SPSB1: variants seen among roughly 807,000 people sequenced by gnomAD.
The protein encoded by SPSB1 is splA/ryanodine receptor domain and SOCS box containing 1.
In SPSB1, 8 loss-of-function variants were observed where a neutral mutation model predicts 21.2. The observed-to-expected ratio is 0.38, with a 90% CI of 0.22 to 0.68. The LOEUF is 0.68. Ranked by LOEUF, SPSB1 falls within the 30% of genes least tolerant of loss-of-function variation. The probability of loss-of-function intolerance (pLI) is 0.53; values close to 1 mark genes in which losing one functional copy is unlikely to be tolerated. For missense variants in SPSB1, 242 were observed against 377.8 expected (o/e 0.64, Z 2.98); for synonymous variants, 169 against 161.7 (o/e 1.05, Z -0.34).
chr1:9,357,770 G>T (rs140564804), intron 2 of SPSB1, among the ~76,000 whole-genome samples: 3 of 152,304 alleles, frequency 2.0e-5, no homozygotes, highest in East Asian at 1.9e-4. Context: ...GGAGGTGAAG[G>T]CTCCATGGCT....
intron 1 of SPSB1, among the ~76,000 whole-genome samples, chr1:9,300,655 T>G (rs1333388552): frequency 6.6e-6 from 1 of 152,072 alleles, no homozygotes; most frequent in Non-Finnish European, 1.5e-5. Context: ...CATCATGAAG[T>G]GGGTGTTATC....
intron 2 of SPSB1, among the ~76,000 whole-genome samples, chr1:9,362,068 T>C (rs1242449736): frequency 6.6e-6 from 1 of 152,228 alleles, no homozygotes; most frequent in Non-Finnish European, 1.5e-5. Flanking sequence ...TCAGCTCGTC[T>C]CCTCAAGATC....
chr1:9,338,318 C>T (rs962267206), intron 1 of SPSB1, among the ~76,000 whole-genome samples: 1 of 152,166 alleles, frequency 6.6e-6, no homozygotes, highest in African/African-American at 2.4e-5. Context: ...AGACCCTGTC[C>T]CCAGGGAGGA....
chr1:9,329,524 C>T (rs868041827), intron 1 of SPSB1, among the ~76,000 whole-genome samples: 1 of 151,724 alleles, frequency 6.6e-6, no homozygotes, highest in African/African-American at 2.4e-5. Flanking sequence ...ACAATGAAAC[C>T]CCGTCTCTAC....
chr1:9,292,912 G>A lies in SPSB1; in HGVS notation c.-309G>A. On this transcript the variant is annotated 5_prime_UTR_variant, in exon 1 of 3. Coordinates refer to ENST00000328089, the MANE Select transcript of SPSB1 (RefSeq NM_025106.4). Reference sequence around the variant, plus strand: ...CTCCTCCGCACAGAAGTCGCGCTCGGGCAGCCTGCGCGCTCGCAGCAGGAA... The same window carrying A: ...CTCCTCCGCACAGAAGTCGCGCTCGAGCAGCCTGCGCGCTCGCAGCAGGAA... 2.0e-6 allele frequency: 2 copies of A among 982,490 alleles called. No individual in the cohort carries two copies. Among genetic ancestry groups the A allele is most frequent in the Non-Finnish European group, 1.2e-6 (1 of 829,044 alleles). 60.9% of individuals were successfully genotyped at this position (982,490 alleles called of 1,614,324 possible).
intron 1 of SPSB1, among the ~76,000 whole-genome samples, chr1:9,334,833 A>G (rs1245857622): frequency 3.9e-5 from 6 of 152,242 alleles, no homozygotes; most frequent in African/African-American, 9.6e-5. Flanking sequence ...TTTACTTCAT[A>G]TAACGTGTTC....
chr1:9,330,112 T>C (rs535484434), intron 1 of SPSB1, among the ~76,000 whole-genome samples: 1 of 152,284 alleles, frequency 6.6e-6, no homozygotes, highest in African/African-American at 2.4e-5. Flanking sequence ...ATCAGTGGCG[T>C]AAATAATTGC....
At position 9,369,095 on chromosome 1, in the gene SPSB1, G is replaced by A. The variant is rs375968461; in HGVS notation, c.*1520G>A. On this transcript the variant is annotated 3_prime_UTR_variant, in exon 3 of 3. Transcript: ENST00000328089. ...AAGAATTATGTTTTAAACAGCTGCT[G>A]TAGAGTACCTTTTTTTAAGTAAATC... 1.3e-5 allele frequency: 2 copies of A among 152,506 alleles called. No homozygotes were observed. Among genetic ancestry groups the A allele is most frequent in the African/African-American group, 4.8e-5 (2 of 41,394 alleles). 9.4% of individuals were successfully genotyped at this position (152,506 alleles called of 1,614,324 possible).
At chr1:9,330,646 C>T (rs1296348081) in intron 1 of SPSB1, among the ~76,000 whole-genome samples, 2 of 151,860 alleles carry the variant, frequency 1.3e-5, no homozygotes, top group Non-Finnish European at 2.9e-5. Context: ...TTCCTTTCCT[C>T]CCCTCCTTTT....
intron 2 of SPSB1, among the ~76,000 whole-genome samples, chr1:9,361,158 T>TTTTTTTTTTTTTTTTTTTTTC (rs1640468550): frequency 7.8e-5 from 2 of 25,712 alleles, no homozygotes; most frequent in African/African-American, 1.2e-4. Flanking sequence ...GTCATTTTCT[T>TTTTTTTTTTTTTTTTTTTTTC]TTTTTTTTTT....
chr1:9,357,149 G>A lies in SPSB1; in HGVS notation c.694+564G>A, dbSNP rs200026656. Among the ~76,000 whole-genome samples, 126 of 40,616 alleles carry A rather than the reference G, an allele frequency of 3.1e-3. No homozygotes were observed. The East Asian group carries it at 0.041, about 13-fold the overall frequency. 26.6% of individuals were successfully genotyped at this position (40,616 alleles called of 152,430 possible). A position where few individuals can be genotyped will look rare whatever the true frequency, so the allele number is the denominator to read the frequency against. On this transcript the variant is annotated intron_variant, in intron 2 of 2. Transcript: ENST00000328089. The stretch of plus-strand genomic sequence containing the variant: ...GATGGATGAGTGGATGGATGGATGG[G>A]TGGATGGATGGGTGGATGGATGGGT...
In SPSB1 at chr1:9,303,128, A is replaced by G. The variant is rs118005243; in HGVS notation, c.-150+10057A>G. On this transcript the variant is annotated intron_variant, in intron 1 of 2. Transcript: ENST00000328089. Reference sequence around the variant, plus strand: ...GATTGATCTGGACTACCAAGGGGAAATTGATCTGGACTGCTCCACAATGAG... The same window carrying G: ...GATTGATCTGGACTACCAAGGGGAAGTTGATCTGGACTGCTCCACAATGAG... Among the ~76,000 whole-genome samples the G allele has an allele frequency of 1.2e-4, 19 of 152,290 alleles. 2 individuals carry two copies. In the East Asian group the frequency reaches 3.5e-3, roughly 28 times the overall value.
chr1:9,313,714 C>G (rs1639562821), intron 1 of SPSB1, among the ~76,000 whole-genome samples: 1 of 152,228 alleles, frequency 6.6e-6, no homozygotes, highest in Non-Finnish European at 1.5e-5. Flanking sequence ...TTGAACATTC[C>G]CAGGAAGCTG....
intron 1 of SPSB1, among the ~76,000 whole-genome samples, chr1:9,352,827 A>ACCCTCCCCT (rs1640286933): frequency 3.2e-5 from 2 of 62,206 alleles, no homozygotes; most frequent in Non-Finnish European, 6.6e-5. Flanking sequence ...TGTCTCTCCC[A>ACCCTCCCCT]CCCTCCCCTC....
intron 1 of SPSB1, among the ~76,000 whole-genome samples, chr1:9,322,394 G>A (rs1380230356): frequency 4.6e-5 from 7 of 152,124 alleles, no homozygotes; most frequent in Admixed American, 2.0e-4. Flanking sequence ...TCCGTGCCTC[G>A]CTCTCATTTT....
At position 9,354,650 on chromosome 1, in the gene SPSB1, T is replaced by C. The variant is rs1431354079; in HGVS notation, c.-149-1093T>C. On this transcript the variant is annotated intron_variant, in intron 1 of 2. Coordinates refer to ENST00000328089, the MANE Select transcript of SPSB1 (RefSeq NM_025106.4). ...CAACATGGTGAAACCCCGTCTCTAC[T>C]AAAAATACAAAAATTAGCCAGGCAT... Among the ~76,000 whole-genome samples the C allele has an allele frequency of 2.6e-5, 4 of 152,080 alleles. No homozygotes were observed. In the East Asian group the frequency reaches 7.8e-4, roughly 29 times the overall value.
At chr1:9,360,567 C>G (rs1352109649) in intron 2 of SPSB1, among the ~76,000 whole-genome samples, 2 of 152,174 alleles carry the variant, frequency 1.3e-5, no homozygotes, top group African/African-American at 4.8e-5. Context: ...GGAGCCCGCC[C>G]CATGCCTCCC....
chr1:9,328,458 G>A (rs973604454), intron 1 of SPSB1, among the ~76,000 whole-genome samples: 8 of 152,224 alleles, frequency 5.3e-5, no homozygotes, highest in African/African-American at 1.9e-4. Flanking sequence ...TCCTAACCCA[G>A]CTCAGACATG....
Position 9,308,029 on chromosome 1 carries a change from G to A in SPSB1, c.-150+14958G>A, listed in dbSNP as rs565453792. 2.6e-5 allele frequency among the ~76,000 whole-genome samples: 4 copies of A among 152,316 alleles called. No homozygotes were observed. The South Asian group carries it at 8.3e-4, about 32-fold the overall frequency. On this transcript the variant is annotated intron_variant, in intron 1 of 2. Coordinates refer to ENST00000328089, the MANE Select transcript of SPSB1 (RefSeq NM_025106.4). The stretch of plus-strand genomic sequence containing the variant: ...GGGGCAGGAGCTGTTTCCAGGATTG[G>A]TTGCTGACAGTATTGCAATTTGGTG...
Sources: gnomAD v4.1 joint callset for allele counts (sites outside exome capture counted in the v4.1 genomes callset) on GRCh38, gnomAD v4.1.1 for gene constraint, MANE v1.5 for transcripts, NCBI Gene and HGNC (gene_info 2026-07-23, HGNC 2026-07-21) for gene names.